TENM4: variants seen among roughly 807,000 people sequenced by gnomAD.
TENM4 encodes teneurin-4.
In TENM4, 82 loss-of-function variants were observed where a neutral mutation model predicts 243.3. The ratio of observed to expected loss-of-function variants is 0.34; its 90% CI spans 0.28 to 0.40. The LOEUF is 0.40. Among genes scored for constraint, TENM4 ranks in the 10% least tolerant of loss-of-function variants. The probability of loss-of-function intolerance (pLI) is 1.00; values close to 1 mark genes in which losing one functional copy is unlikely to be tolerated. For synonymous variants in TENM4, 1,412 were observed against 1,456.3 expected (o/e 0.97, Z 0.69); for missense variants, 3,138 against 3,673.3 (o/e 0.85, Z 3.77).
chr11:79,284,988 A>G (rs1856223764), intron 2 of TENM4, among the ~76,000 whole-genome samples: 1 of 152,212 alleles, frequency 6.6e-6, no homozygotes, highest in Non-Finnish European at 1.5e-5. Context: ...CTGTAATCCC[A>G]GCATACTTTG....
chr11:78,998,153 G>A (rs1006222740), intron 6 of TENM4, among the ~76,000 whole-genome samples: 1 of 152,196 alleles, frequency 6.6e-6, no homozygotes, highest in Non-Finnish European at 1.5e-5. Context: ...GCTGACTAAG[G>A]TAGCTTATTT....
At chr11:79,365,071 C>T (rs1004424075) in intron 1 of TENM4, among the ~76,000 whole-genome samples, 2 of 152,176 alleles carry the variant, frequency 1.3e-5, no homozygotes, top group African/African-American at 2.4e-5. Context: ...GTGATTGCCA[C>T]TCAGACTTTC....
intron 24 of TENM4, among the ~76,000 whole-genome samples, chr11:78,722,238 C>T (rs1360726373): frequency 5.9e-5 from 9 of 152,134 alleles, no homozygotes; most frequent in East Asian, 1.9e-4. Context: ...TGATCTCAAA[C>T]GCCTGGCCTC....
chr11:78,926,039 A>G (rs1856545196), intron 6 of TENM4, among the ~76,000 whole-genome samples: 1 of 152,146 alleles, frequency 6.6e-6, no homozygotes, highest in Admixed American at 6.5e-5. Context: ...TGATTATAAT[A>G]TTATGATAGA....
chr11:78,749,634 A>AT (rs1236404546), intron 19 of TENM4, among the ~76,000 whole-genome samples: 7 of 152,208 alleles, frequency 4.6e-5, no homozygotes, highest in Admixed American at 1.3e-4. Flanking sequence ...CAGTGGGCTG[A>AT]TAAAAAATCA....
chr11:78,729,240 G>A (rs942797348), intron 22 of TENM4, 136 bp downstream of exon 22: 11 of 950,338 alleles, frequency 1.2e-5, no homozygotes, highest in East Asian at 2.7e-5. Flanking sequence ...GGCCAGTCAC[G>A]GACAGGTCTT....
At chr11:79,331,933 G>T (rs1857067998) in intron 1 of TENM4, among the ~76,000 whole-genome samples, 1 of 152,200 alleles carries the variant, frequency 6.6e-6, no homozygotes, top group Non-Finnish European at 1.5e-5. Context: ...AAGCCTGTCA[G>T]GTTTTGGTGC....
intron 9 of TENM4, among the ~76,000 whole-genome samples, chr11:78,887,572 T>G (rs1855574203): frequency 6.6e-6 from 1 of 152,218 alleles, no homozygotes; most frequent in African/African-American, 2.4e-5. Context: ...AAATTGTGGA[T>G]TTGAAGACTG....
At chr11:78,859,160 G>A (rs1591076859) in intron 10 of TENM4, among the ~76,000 whole-genome samples, 1 of 152,126 alleles carries the variant, frequency 6.6e-6, no homozygotes, top group South Asian at 2.1e-4. Context: ...GCTTGACCAG[G>A]TAGATCCAAG....
chr11:79,042,980 C>T (rs140025772), intron 6 of TENM4, among the ~76,000 whole-genome samples: 24 of 152,320 alleles, frequency 1.6e-4, no homozygotes, highest in African/African-American at 5.8e-4. Flanking sequence ...CGTCTTGCCA[C>T]AAAAGCCACC....
intron 4 of TENM4, among the ~76,000 whole-genome samples, chr11:79,105,244 T>C (rs1176346504): frequency 2.0e-5 from 3 of 152,226 alleles, no homozygotes; most frequent in Non-Finnish European, 4.4e-5. Context: ...TTTTCTGTTA[T>C]TGCTTCCTTG....
chr11:79,380,461 G>A (rs1190222704), intron 1 of TENM4, among the ~76,000 whole-genome samples: 5 of 152,178 alleles, frequency 3.3e-5, no homozygotes, highest in African/African-American at 1.2e-4. Context: ...TGCTGAGTCA[G>A]GTCTTGGGAA....
chr11:79,206,823 G>T (rs1011488797), intron 3 of TENM4, among the ~76,000 whole-genome samples: 1 of 152,136 alleles, frequency 6.6e-6, no homozygotes, highest in East Asian at 1.9e-4. Flanking sequence ...TATCAGCAGC[G>T]TGAAAATGGA....
intron 6 of TENM4, among the ~76,000 whole-genome samples, chr11:79,029,523 G>T (rs958775359): frequency 6.6e-6 from 1 of 151,984 alleles, no homozygotes. Flanking sequence ...AATCATTCTC[G>T]TCCAAATACA....
At chr11:79,035,324 C>T (rs1421849570) in intron 6 of TENM4, among the ~76,000 whole-genome samples, 1 of 152,136 alleles carries the variant, frequency 6.6e-6, no homozygotes. Context: ...CAAACATTAC[C>T]TTGTTGCTTT....
intron 6 of TENM4, among the ~76,000 whole-genome samples, chr11:78,914,360 G>A (rs1856265994): frequency 6.6e-6 from 1 of 152,176 alleles, no homozygotes; most frequent in African/African-American, 2.4e-5. Flanking sequence ...GTGGGAGAAG[G>A]AGTAAATCTA....
intron 6 of TENM4, among the ~76,000 whole-genome samples, chr11:78,934,154 T>G (rs1016994970): frequency 7.2e-5 from 11 of 152,128 alleles, no homozygotes; most frequent in African/African-American, 2.2e-4. Context: ...CCTGGGGAGA[T>G]CCTGCAGAAA....
At position 78,863,091 on chromosome 11, in the gene TENM4, C is replaced by T. The variant is rs1000535747; in HGVS notation, c.1126G>A (p.Glu376Lys). The change falls in exon 10 of 34, where the codon GAG becomes AAG. Residue 376 changes from glutamate (E) to lysine (K), a missense_variant. Glu to Lys is a moderately conservative substitution (Grantham distance 56). Around this residue, in one of 2 missense-constraint regions of TENM4, gnomAD observed 671 missense variants for 614.1 expected, o/e 1.09. Transcript: ENST00000278550. ...TCCGTGATCTCATACATCTGCCCCT[C>T]CATCGGCTGCAGGTGCCAGTTTAGG... The part of the protein sequence containing the change: ...FGLNWHLQPM[E>K]GQMYEITEDT... 2.5e-5 allele frequency: 38 copies of T among 1,531,494 alleles called. No individual in the cohort carries two copies. The highest frequency in any genetic ancestry group is 3.2e-5 in the Non-Finnish European group (36 of 1,132,078). 94.9% of individuals were successfully genotyped at this position (1,531,494 alleles called of 1,614,324 possible). A position where few individuals can be genotyped will look rare whatever the true frequency, so the allele number is the denominator to read the frequency against.
chr11:79,019,277 G>T (rs1369534731), intron 6 of TENM4, among the ~76,000 whole-genome samples: 4 of 152,158 alleles, frequency 2.6e-5, no homozygotes, highest in Non-Finnish European at 5.9e-5. Context: ...AGAAAAGATG[G>T]AAGTTAGTGC....
Sources: gnomAD v4.1 joint callset for allele counts (sites outside exome capture counted in the v4.1 genomes callset) on GRCh38, gnomAD v4.1.1 for gene constraint, gnomAD v4.1.1 regional missense constraint, MANE v1.5 for transcripts, NCBI Gene and HGNC (gene_info 2026-07-23, HGNC 2026-07-21) for gene names.